Variants in SPATA13 observed in about 807,000 individuals in gnomAD.
The protein encoded by SPATA13 is spermatogenesis associated 13.
In SPATA13, 50 loss-of-function variants were observed where a neutral mutation model predicts 104.0. The ratio of observed to expected loss-of-function variants is 0.48; its 90% CI spans 0.38 to 0.61. SPATA13 has a LOEUF of 0.61. SPATA13 is among the 20% of genes least tolerant of loss of function. The pLI, the probability that SPATA13 is intolerant of heterozygous loss-of-function variation, is 0.00. For synonymous variants in SPATA13, 606 were observed against 667.5 expected (o/e 0.91, Z 1.42); for missense variants, 1,524 against 1,690.6 (o/e 0.90, Z 1.73).
intron 1 of SPATA13, among the ~76,000 whole-genome samples, chr13:24,191,343 G>A (rs1331272774): frequency 6.6e-6 from 1 of 151,814 alleles, no homozygotes; most frequent in African/African-American, 2.4e-5. Flanking sequence ...GTAGACTACA[G>A]TATAATGTAC....
intron 3 of SPATA13, among the ~76,000 whole-genome samples, chr13:24,126,507 C>T (rs950950663): frequency 9.9e-5 from 15 of 151,886 alleles, no homozygotes; most frequent in Non-Finnish European, 1.9e-4. Flanking sequence ...AGAAAGTGAG[C>T]GAAAAATAAG....
chr13:24,105,990 G>A (rs7998538), intron 3 of SPATA13, among the ~76,000 whole-genome samples: 21 of 152,122 alleles, frequency 1.4e-4, no homozygotes, highest in African/African-American at 3.4e-4. Context: ...TGAGAAATAC[G>A]TTTCTGTCGT....
At chr13:24,276,709 A>G (rs1041512493) in intron 4 of SPATA13, among the ~76,000 whole-genome samples, 17 of 152,134 alleles carry the variant, frequency 1.1e-4, no homozygotes, top group Admixed American at 6.5e-5. Context: ...GATTTTGGTG[A>G]CATACATTTT....
chr13:24,200,856 G>T (rs908680114), intron 1 of SPATA13, among the ~76,000 whole-genome samples: 1 of 151,622 alleles, frequency 6.6e-6, no homozygotes, highest in Admixed American at 6.6e-5. Flanking sequence ...CTCCCACAAT[G>T]AAAATACACA....
rs1240022154 is a variant in SPATA13, at chr13:24,223,559, C to T, written c.630C>T (p.Gly210=). ...GCCTCCGCAGAGCCTACGGCCTGGGCCGCATCTGCCTGCTGGATGCGCCCC... is the reference window on the plus strand; with the variant it reads ...GCCTCCGCAGAGCCTACGGCCTGGGTCGCATCTGCCTGCTGGATGCGCCCC... ...SRSLRRAYGL[G]RICLLDAPQN... Residue 210 remains glycine (G), a synonymous_variant, in exon 2 of 13, where the codon GGC becomes GGT. Coordinates refer to ENST00000382108, the MANE Select transcript of SPATA13 (RefSeq NM_001166271.3). 1 of 1,549,014 alleles carries T rather than the reference C, an allele frequency of 6.5e-7. No individual in the cohort carries two copies.
At chr13:24,060,757 A>C (rs115013593) in intron 3 of SPATA13, among the ~76,000 whole-genome samples, 1 of 152,036 alleles carries the variant, frequency 6.6e-6, no homozygotes, top group Non-Finnish European at 1.5e-5. Flanking sequence ...AAAGCAAACA[A>C]CTCCATTAAA....
At position 24,088,586 on chromosome 13, in the gene SPATA13, A is replaced by G. The variant is rs1879808980; in HGVS notation, c.-112+70885A>G. Among the ~76,000 whole-genome samples the G allele has an allele frequency of 6.6e-6, 1 of 152,186 alleles. No individual in the cohort carries two copies. Among genetic ancestry groups the G allele is most frequent in the African/African-American group, 2.4e-5 (1 of 41,442 alleles). On this transcript the variant is annotated intron_variant, in intron 3 of 14. Coordinates refer to the SPATA13 transcript ENST00000424834. The surrounding 1 kb of genome is among the most constrained non-coding windows in gnomAD (Gnocchi z 4.3). Reference sequence around the variant, plus strand: ...GGTGGCAACTGCACTCATTTTTAAAATGACATAATAAACACATCTCTTTAA... The same window carrying G: ...GGTGGCAACTGCACTCATTTTTAAAGTGACATAATAAACACATCTCTTTAA...
intron 3 of SPATA13, among the ~76,000 whole-genome samples, chr13:24,125,488 A>G (rs977146049): frequency 2.0e-5 from 3 of 152,120 alleles, no homozygotes; most frequent in African/African-American, 7.2e-5. Context: ...CAGAATACAC[A>G]TGATCCCTTC....
chr13:24,210,766 G>GTTTTTTTTT (rs58789886), intron 1 of SPATA13, among the ~76,000 whole-genome samples: 7 of 137,436 alleles, frequency 5.1e-5, no homozygotes, highest in Non-Finnish European at 7.8e-5. Context: ...GAATTTTAGG[G>GTTTTTTTTT]TTTTTTTTTT....
intron 3 of SPATA13, among the ~76,000 whole-genome samples, chr13:24,041,188 T>C (rs1035731696): frequency 6.6e-6 from 1 of 152,216 alleles, no homozygotes; most frequent in Non-Finnish European, 1.5e-5. Flanking sequence ...AGAACCACAC[T>C]GGAAAATGGG....
chr13:24,155,901 C>G (rs1882243676), upstream of SPATA13, among the ~76,000 whole-genome samples: 1 of 152,190 alleles, frequency 6.6e-6, no homozygotes, highest in Non-Finnish European at 1.5e-5. Flanking sequence ...AATTTGCCTA[C>G]TCCAGATACC....
intron 3 of SPATA13, among the ~76,000 whole-genome samples, chr13:24,129,948 C>T (rs1030336303): frequency 2.7e-4 from 41 of 152,306 alleles, no homozygotes; most frequent in African/African-American, 4.1e-4. Context: ...GTACTGCTCC[C>T]GGGTGGAGAA....
intron 1 of SPATA13, among the ~76,000 whole-genome samples, chr13:24,174,616 A>G (rs942935442): frequency 2.6e-5 from 4 of 151,944 alleles, no homozygotes; most frequent in African/African-American, 9.7e-5. Context: ...TTGCTCTGTC[A>G]CCCAGACTGG....
chr13:24,216,994 G>A (rs1465130107), intron 1 of SPATA13, among the ~76,000 whole-genome samples: 2 of 152,148 alleles, frequency 1.3e-5, no homozygotes, highest in Non-Finnish European at 2.9e-5. Context: ...AGGTTGCAGT[G>A]TGCTGAAATT....
chr13:23,998,040 G>A (rs1482808329), intron 2 of SPATA13, among the ~76,000 whole-genome samples: 1 of 152,176 alleles, frequency 6.6e-6, no homozygotes, highest in African/African-American at 2.4e-5. Flanking sequence ...TCAGTTTCAG[G>A]TCTTTGTGTG....
At chr13:24,144,532 C>A (rs1881868077) in intron 3 of SPATA13, among the ~76,000 whole-genome samples, 1 of 152,130 alleles carries the variant, frequency 6.6e-6, no homozygotes, top group African/African-American at 2.4e-5. Context: ...GCACAGCGTA[C>A]ACAATGCACA....
chr13:24,228,531 G>T (rs1224400424), intron 2 of SPATA13, among the ~76,000 whole-genome samples: 1 of 152,186 alleles, frequency 6.6e-6, no homozygotes, highest in Non-Finnish European at 1.5e-5. Flanking sequence ...AAGTGCTTGT[G>T]AAGTAGAACC....
At chr13:24,139,435 C>G (rs997704158) in intron 3 of SPATA13, among the ~76,000 whole-genome samples, 1 of 152,098 alleles carries the variant, frequency 6.6e-6, no homozygotes, top group African/African-American at 2.4e-5. Flanking sequence ...AGAGAAGAAG[C>G]AAAAACCCAC....
chr13:24,152,771 GACAAA>G (rs1882135170), intron 3 of SPATA13, among the ~76,000 whole-genome samples: 2 of 152,206 alleles, frequency 1.3e-5, no homozygotes, highest in Admixed American at 1.3e-4. Context: ...AGGCGCCAGA[GACAAA>G]ATGCAGAGCC....
Sources: gnomAD v4.1 joint callset for allele counts (sites outside exome capture counted in the v4.1 genomes callset) on GRCh38, gnomAD v4.1.1 for gene constraint, Gnocchi (gnomAD v3.1) non-coding constraint, MANE v1.5 for transcripts, NCBI Gene and HGNC (gene_info 2026-07-23, HGNC 2026-07-21) for gene names.